Variants in ADD1 observed in about 807,000 individuals in gnomAD.
The protein encoded by ADD1 is alpha-adducin.
A neutral mutation model predicts 80.5 loss-of-function variants in ADD1; 24 were observed. That is an observed-to-expected ratio of 0.30 (90% CI 0.22 to 0.42). The LOEUF is 0.42. Ranked by LOEUF, ADD1 falls within the 10% of genes least tolerant of loss-of-function variation. The pLI is 1.00. For synonymous variants in ADD1, 373 were observed against 393.8 expected (o/e 0.95, Z 0.63); for missense variants, 948 against 1,019.0 (o/e 0.93, Z 0.95).
intron 1 of ADD1, among the ~76,000 whole-genome samples, chr4:2,874,382 G>A (rs940846692): frequency 1.3e-4 from 20 of 152,146 alleles, no homozygotes; most frequent in Admixed American, 3.3e-4. Context: ...CTAGGCGGGC[G>A]GATCACCTGA....
chr4:2,864,786 C>T (rs1009990941), intron 1 of ADD1, among the ~76,000 whole-genome samples: 2 of 152,114 alleles, frequency 1.3e-5, no homozygotes, highest in Non-Finnish European at 2.9e-5. Flanking sequence ...CTCAGTGATG[C>T]TTATTATTTT....
intron 4 of ADD1, among the ~76,000 whole-genome samples, chr4:2,885,637 A>T (rs559538681): frequency 6.5e-4 from 98 of 150,250 alleles, no homozygotes; most frequent in African/African-American, 1.4e-3. Context: ...TGAGACAGAG[A>T]CTTGCTCTGT....
chr4:2,855,635 CT>C (rs1031287304), intron 1 of ADD1, among the ~76,000 whole-genome samples: 71 of 145,776 alleles, frequency 4.9e-4, no homozygotes, highest in African/African-American at 1.0e-3. Context: ...TTAGTCCAGA[CT>C]TTTTTTTTTT....
chr4:2,917,905 G>A (rs538871602), intron 14 of ADD1, among the ~76,000 whole-genome samples: 6 of 152,198 alleles, frequency 3.9e-5, no homozygotes, highest in African/African-American at 7.2e-5. Flanking sequence ...TACCAGTACC[G>A]TGCTGTTTTG....
chr4:2,895,606 G>A (rs1735061274), intron 6 of ADD1, among the ~76,000 whole-genome samples: 1 of 152,156 alleles, frequency 6.6e-6, no homozygotes, highest in South Asian at 2.1e-4. Context: ...AGGAGCGGCT[G>A]GGAGAGGAGA....
chr4:2,867,343 G>A (rs1729701215), intron 1 of ADD1, among the ~76,000 whole-genome samples: 1 of 152,140 alleles, frequency 6.6e-6, no homozygotes, highest in Non-Finnish European at 1.5e-5. Context: ...AACTCCATAC[G>A]TGTTGAAGTT....
At chr4:2,908,958 T>G in intron 12 of ADD1, 1 of 440,862 alleles carries the variant, frequency 2.3e-6, no homozygotes, top group Non-Finnish European at 4.1e-6. Flanking sequence ...TTCTGGTACA[T>G]ATTGCTGTCT....
intron 1 of ADD1, among the ~76,000 whole-genome samples, chr4:2,855,583 A>G (rs528204365): frequency 1.8e-4 from 27 of 151,300 alleles, no homozygotes; most frequent in South Asian, 8.4e-4. Context: ...TTTAATTCCA[A>G]TTATTCAACT....
intron 13 of ADD1, among the ~76,000 whole-genome samples, chr4:2,913,384 C>T (rs918901828): frequency 1.3e-5 from 2 of 152,138 alleles, no homozygotes; most frequent in African/African-American, 4.8e-5. Context: ...GGCCTCTGGT[C>T]AGGGAAAGAC....
intron 7 of ADD1, 33 bp downstream of exon 7, chr4:2,898,360 C>G (rs868277399): frequency 6.2e-7 from 1 of 1,614,184 alleles, no homozygotes. Flanking sequence ...ATTTAAATTA[C>G]AGCAGAAAGA....
chr4:2,847,247 C>A (rs1269370401), intron 1 of ADD1, among the ~76,000 whole-genome samples: 1 of 151,882 alleles, frequency 6.6e-6, no homozygotes, highest in Non-Finnish European at 1.5e-5. Context: ...ACAGTGAAAC[C>A]TCATCTCTAC....
Position 2,868,859 on chromosome 4 carries a change from G to A in ADD1, c.-20-7037G>A, listed in dbSNP as rs192147042. Among the ~76,000 whole-genome samples the A allele has an allele frequency of 2.4e-4, 37 of 152,272 alleles. No homozygotes were observed. In the East Asian group the frequency reaches 5.2e-3, roughly 21 times the overall value. The stretch of plus-strand genomic sequence containing the variant: ...GGGGCGTGGGGAACCTTCATAGAGC[G>A]GGAAGCATTCGAGTTGGATATTGAG... On this transcript the variant is annotated intron_variant, in intron 1 of 15. Coordinates refer to ENST00000683351, the MANE Select transcript of ADD1 (RefSeq NM_001354761.2).
At chr4:2,911,448 A>ATTT (rs33935514) in intron 13 of ADD1, among the ~76,000 whole-genome samples, 40 of 130,500 alleles carry the variant, frequency 3.1e-4, no homozygotes, top group Middle Eastern at 4.1e-3. Context: ...ATATATATAT[A>ATTT]TTTTTTTTTT....
chr4:2,907,565 G>A, intron 10 of ADD1, 178 bp from the exon 11 acceptor site: 1 of 567,996 alleles, frequency 1.8e-6, no homozygotes, highest in South Asian at 1.9e-5. Context: ...TCTTTATGTG[G>A]CTGCATCCTG....
In ADD1 at chr4:2,926,316, G is replaced by C; in HGVS notation, c.2047+204G>C. The C allele has an allele frequency of 1.4e-6, 1 of 717,156 alleles. No individual in the cohort carries two copies. Among genetic ancestry groups the C allele is most frequent in the Non-Finnish European group, 2.5e-6 (1 of 397,358 alleles). 44.4% of individuals were successfully genotyped at this position (717,156 alleles called of 1,614,324 possible). ...CAGATTTGTATGTGAGCTGTGACCA[G>C]GTAGGAAGGCCGGCCTCGGGGGTCG... On this transcript the variant is annotated intron_variant, in intron 15 of 15. Transcript: ENST00000683351. The surrounding 1 kb of genome is among the most constrained non-coding windows in gnomAD (Gnocchi z 5.0).
At chr4:2,865,578 A>G (rs879747769) in intron 1 of ADD1, among the ~76,000 whole-genome samples, 18 of 152,118 alleles carry the variant, frequency 1.2e-4, no homozygotes, top group Non-Finnish European at 1.8e-4. Context: ...ACAACTAGGA[A>G]CTTTTAGTTG....
At chr4:2,909,261 C>A in intron 12 of ADD1, 78 bp from the exon 13 acceptor site, 1 of 1,259,876 alleles carries the variant, frequency 7.9e-7, no homozygotes, top group Non-Finnish European at 1.1e-6. Flanking sequence ...TGCTCTTAGC[C>A]AGCTCCATCC....
chr4:2,883,121 C>T (rs978804754), intron 3 of ADD1, among the ~76,000 whole-genome samples: 1 of 152,130 alleles, frequency 6.6e-6, no homozygotes, highest in Non-Finnish European at 1.5e-5. Context: ...CTCAGCCTCC[C>T]TAAGTGCTGG....
intron 13 of ADD1, among the ~76,000 whole-genome samples, chr4:2,913,769 T>A (rs1303476643): frequency 6.6e-6 from 1 of 152,078 alleles, no homozygotes; most frequent in Non-Finnish European, 1.5e-5. Context: ...TGGTGTTCAC[T>A]CCGCACTGAG....
Sources: allele counts gnomAD v4.1 joint callset (sites outside exome capture counted in the v4.1 genomes callset), GRCh38; gene constraint gnomAD v4.1.1; non-coding constraint Gnocchi (gnomAD v3.1); transcripts MANE v1.5; gene names NCBI Gene and HGNC (gene_info 2026-07-23, HGNC 2026-07-21).